Variants in TCF4 observed in about 807,000 individuals in gnomAD.
The protein encoded by TCF4 is transcription factor 4, also known as SL3-3 enhancer factor 2.
In TCF4, 3 loss-of-function variants were observed where a neutral mutation model predicts 82.1. The ratio of observed to expected loss-of-function variants is 0.04; its 90% CI spans 0.02 to 0.09. The LOEUF (loss-of-function observed/expected upper bound fraction) is 0.09, where lower values mean the gene tolerates loss of function less well. TCF4 is among the 10% of genes least tolerant of loss of function. The pLI, the probability that TCF4 is intolerant of heterozygous loss-of-function variation, is 1.00. For missense variants in TCF4, 518 were observed against 852.7 expected, an observed-to-expected ratio of 0.61 and a Z score of 4.89; for synonymous variants, 276 against 309.6, an observed-to-expected ratio of 0.89 and a Z score of 1.14.
In TCF4 at chr18:55,541,091, T is replaced by A. The variant is rs188951113; in HGVS notation, c.145+44189A>T. On this transcript the variant is annotated intron_variant, in intron 3 of 19. Coordinates refer to ENST00000354452, the MANE Select transcript of TCF4 (RefSeq NM_001083962.2). ...GAAAATACTACCATGTACGTAATAA[T>A]GACAGTGTAAAGATCTCTCTTGCCT... Among the ~76,000 whole-genome samples, 10 of 152,134 alleles carry A rather than the reference T, an allele frequency of 6.6e-5. No homozygotes were observed. The East Asian group carries it at 1.7e-3, about 26-fold the overall frequency.
In TCF4 at chr18:55,568,289, A is replaced by G. The variant is rs2097427942; in HGVS notation, c.145+16991T>C. Among the ~76,000 whole-genome samples, 3 of 151,806 alleles carry G rather than the reference A, an allele frequency of 2.0e-5. No individual in the cohort carries two copies. In the South Asian group the frequency reaches 6.2e-4, roughly 31 times the overall value. ...TCCACAAAGCCAAAAGTTGGTTTGAAAAGAGTAATAAATAAGAAAAACTTC... is the reference window on the plus strand; with the variant it reads ...TCCACAAAGCCAAAAGTTGGTTTGAGAAGAGTAATAAATAAGAAAAACTTC... On this transcript the variant is annotated intron_variant, in intron 3 of 19. Transcript: ENST00000354452.
chr18:55,448,196 A>G (rs1167148237), intron 5 of TCF4, among the ~76,000 whole-genome samples: 1 of 152,230 alleles, frequency 6.6e-6, no homozygotes. Context: ...AATATTTGTT[A>G]TAAAAACCAG....
At chr18:55,386,003 T>C (rs1390418630) in intron 6 of TCF4, among the ~76,000 whole-genome samples, 1 of 152,168 alleles carries the variant, frequency 6.6e-6, no homozygotes, top group Non-Finnish European at 1.5e-5. Flanking sequence ...TCAATCTCAA[T>C]CTGCATTCAT....
chr18:55,587,914 G>C, intron 1 of TCF4, 124 bp downstream of exon 1: 12 of 843,460 alleles, frequency 1.4e-5, no homozygotes, highest in Non-Finnish European at 1.4e-5. Context: ...GTCTCTTCTG[G>C]GAGCGCCGGG....
intron 3 of TCF4, among the ~76,000 whole-genome samples, chr18:55,467,229 A>T (rs1242384751): frequency 6.6e-6 from 1 of 152,214 alleles, no homozygotes; most frequent in African/African-American, 2.4e-5. Context: ...GTAATTCATA[A>T]TGAATGTAAA....
chr18:55,565,425 T>A (rs559099168), intron 3 of TCF4, among the ~76,000 whole-genome samples: 1 of 152,282 alleles, frequency 6.6e-6, no homozygotes, highest in South Asian at 2.1e-4. Flanking sequence ...GAAGCAGGGA[T>A]GCTCTGAGAG....
At chr18:55,616,118 G>A (rs546983499) in intron 2 of TCF4, among the ~76,000 whole-genome samples, 1 of 152,164 alleles carries the variant, frequency 6.6e-6, no homozygotes, top group Admixed American at 6.5e-5. Context: ...CACCCATTGA[G>A]CATCAGTTCC....
chr18:55,558,159 C>G (rs988771044), intron 3 of TCF4, among the ~76,000 whole-genome samples: 6 of 152,096 alleles, frequency 3.9e-5, no homozygotes, highest in African/African-American at 1.4e-4. Flanking sequence ...CTGCAGTGAG[C>G]TAGGATCCTA....
Position 55,270,097 on chromosome 18 carries a change from T to C in TCF4, c.790-134A>G, listed in dbSNP as rs567619591. ...TAGAATTTCAAAATAGCCAAGAATA[T>C]ATCTTGTTTAGATCTGACAGCTTTC... On this transcript the variant is annotated intron_variant, in intron 10 of 19. Coordinates refer to ENST00000354452, the MANE Select transcript of TCF4 (RefSeq NM_001083962.2). 2.9e-3 allele frequency: 3,295 copies of C among 1,141,944 alleles called. 23 individuals carry two copies. Among genetic ancestry groups the C allele is most frequent in the Middle Eastern group, 0.017 (58 of 3,464 alleles). The allele number at this position is 1,141,944 out of a possible 1,614,324, so 70.7% of individuals were successfully genotyped here.
chr18:55,233,235 T>G (rs2048391455), intron 16 of TCF4, among the ~76,000 whole-genome samples: 1 of 152,220 alleles, frequency 6.6e-6, no homozygotes, highest in South Asian at 2.1e-4. Context: ...TGCTCAACTT[T>G]CCAAGTCACA....
intron 6 of TCF4, among the ~76,000 whole-genome samples, chr18:55,403,027 C>T (rs2093913200): frequency 6.6e-6 from 1 of 152,304 alleles, no homozygotes; most frequent in South Asian, 2.1e-4. Flanking sequence ...TTTCACACAA[C>T]ATCATACAGC....
intron 3 of TCF4, among the ~76,000 whole-genome samples, chr18:55,517,318 G>A (rs1006967499): frequency 5.3e-5 from 8 of 152,108 alleles, no homozygotes; most frequent in Admixed American, 2.6e-4. Flanking sequence ...CTATCCTCTG[G>A]AGGCCTAAAC....
At chr18:55,621,611 T>C (rs1389411994) in intron 2 of TCF4, among the ~76,000 whole-genome samples, 7 of 91,774 alleles carry the variant, frequency 7.6e-5, no homozygotes, top group Non-Finnish European at 1.3e-4. Context: ...ATGTACATTA[T>C]ATAATATTAT....
rs1286471136 is a variant in TCF4 at position 55,607,894 on chromosome 18, TCA to T, written c.287-20760_287-20759del. Among the ~76,000 whole-genome samples the T allele has an allele frequency of 4.6e-5, 7 of 152,318 alleles. No individual in the cohort carries two copies. The East Asian group carries it at 1.2e-3, about 25-fold the overall frequency. ...CAAAGGTGTGGGCTGTGTTTATGCT[TCA>T]GTTACATTTTCACTAGACAAATACA... On this transcript the variant is annotated intron_variant, in intron 2 of 20. Coordinates refer to the TCF4 transcript ENST00000398339.
At chr18:55,267,146 G>A (rs992608035) in intron 11 of TCF4, 1 of 152,170 alleles carries the variant, frequency 6.6e-6, no homozygotes, top group African/African-American at 2.4e-5. Flanking sequence ...TAAGGCATTA[G>A]TATTGCTTAC....
intron 3 of TCF4, among the ~76,000 whole-genome samples, chr18:55,526,304 T>C (rs981723343): frequency 1.3e-5 from 2 of 152,206 alleles, no homozygotes; most frequent in African/African-American, 2.4e-5. Flanking sequence ...AAACCATTAA[T>C]ATCCAGTGCA....
chr18:55,230,500 A>C (rs2047630932), intron 17 of TCF4: 1 of 152,224 alleles, frequency 6.6e-6, no homozygotes, highest in Admixed American at 6.5e-5. Flanking sequence ...AACATGAGTG[A>C]GGACTTTTGG....
At chr18:55,464,752 T>C (rs916543359) in intron 3 of TCF4, among the ~76,000 whole-genome samples, 4 of 152,188 alleles carry the variant, frequency 2.6e-5, no homozygotes, top group Non-Finnish European at 5.9e-5. Flanking sequence ...ACATACCATT[T>C]GGTCTATAAT....
intron 3 of TCF4, among the ~76,000 whole-genome samples, chr18:55,484,105 C>G (rs1010554233): frequency 2.0e-5 from 3 of 152,162 alleles, no homozygotes; most frequent in Non-Finnish European, 4.4e-5. Flanking sequence ...TGCCTCTTAC[C>G]TATTTTCTTA....
Sources: allele counts gnomAD v4.1 joint callset (sites outside exome capture counted in the v4.1 genomes callset), GRCh38; gene constraint gnomAD v4.1.1; transcripts MANE v1.5; gene names NCBI Gene and HGNC (gene_info 2026-07-23, HGNC 2026-07-21).